The following SSH2 variants were observed in gnomAD, a reference collection of about 807,000 sequenced individuals.
SSH2 encodes the protein slingshot protein phosphatase 2, also known as protein phosphatase Slingshot homolog 2.
A neutral mutation model predicts 135.2 loss-of-function variants in SSH2; 37 were observed. The observed-to-expected ratio is 0.27, with a 90% CI of 0.21 to 0.36. The LOEUF (loss-of-function observed/expected upper bound fraction) is 0.36. Among genes scored for constraint, SSH2 ranks in the 10% least tolerant of loss-of-function variants. The pLI is 1.00. For missense variants in SSH2, 1,408 were observed against 1,765.3 expected, an observed-to-expected ratio of 0.80 and a Z score of 3.63; for synonymous variants, 628 against 646.2, an observed-to-expected ratio of 0.97 and a Z score of 0.43.
intron 1 of SSH2, among the ~76,000 whole-genome samples, chr17:29,859,892 G>T (rs906793739): frequency 6.6e-6 from 1 of 152,038 alleles, no homozygotes; most frequent in African/African-American, 2.4e-5. Context: ...TGTTTTCCAG[G>T]CTGGAGTGCA....
intron 2 of SSH2, among the ~76,000 whole-genome samples, chr17:29,808,181 T>C (rs568747875): frequency 6.6e-6 from 1 of 152,296 alleles, no homozygotes; most frequent in Admixed American, 6.5e-5. Flanking sequence ...CAGGCTGGAG[T>C]GCAGTGGCGC....
intron 3 of SSH2, among the ~76,000 whole-genome samples, chr17:29,713,868 A>G (rs1419691231): frequency 2.0e-5 from 3 of 151,364 alleles, no homozygotes; most frequent in African/African-American, 4.9e-5. Context: ...CACCTCCCTC[A>G]CCCCCAAACA....
At chr17:29,636,996 G>GT (rs956305388) in intron 14 of SSH2, among the ~76,000 whole-genome samples, 194 bp from the exon 15 acceptor site, 9 of 152,086 alleles carry the variant, frequency 5.9e-5, no homozygotes, top group South Asian at 2.1e-4. Context: ...ATGAGTGTGA[G>GT]TTTTTTTTAC....
At chr17:29,810,172 A>G (rs1046661157) in intron 2 of SSH2, among the ~76,000 whole-genome samples, 3 of 149,388 alleles carry the variant, frequency 2.0e-5, no homozygotes, top group African/African-American at 7.4e-5. Flanking sequence ...CATTTTCTAT[A>G]ATGTAGATTC....
At chr17:29,686,046 C>T (rs2038205548) in intron 5 of SSH2, among the ~76,000 whole-genome samples, 1 of 151,790 alleles carries the variant, frequency 6.6e-6, no homozygotes, top group Admixed American at 6.6e-5. Context: ...CGGGGTTTCT[C>T]CATGTTGGTC....
At chr17:29,740,356 A>G (rs1190745013) in intron 3 of SSH2, among the ~76,000 whole-genome samples, 2 of 152,178 alleles carry the variant, frequency 1.3e-5, no homozygotes, top group Non-Finnish European at 2.9e-5. Flanking sequence ...CGCAGTCTCA[A>G]AGAGAGGCAG....
chr17:29,874,246 G>A (rs866328865), intron 1 of SSH2, among the ~76,000 whole-genome samples: 1 of 137,662 alleles, frequency 7.3e-6, no homozygotes, highest in Non-Finnish European at 1.5e-5. Flanking sequence ...TAAGCCAATT[G>A]TGCCACTGCA....
chr17:29,810,288 A>G (rs954698328), intron 2 of SSH2, among the ~76,000 whole-genome samples: 1 of 152,190 alleles, frequency 6.6e-6, no homozygotes, highest in Non-Finnish European at 1.5e-5. Flanking sequence ...ACCATTTTAG[A>G]GACTGCACAA....
Position 29,839,773 on chromosome 17 carries a change from C to T in SSH2, c.144+9076G>A, listed in dbSNP as rs191160239. ...GAATCACTACTGCATTTGACCCTGA[C>T]CTCCTAGCACCAGAATAACAACATT... On this transcript the variant is annotated intron_variant, in intron 2 of 15. Transcript: ENST00000540801. Among the ~76,000 whole-genome samples the T allele has an allele frequency of 3.7e-4, 56 of 152,264 alleles. No homozygotes were observed. The East Asian group carries it at 0.01, about 28-fold the overall frequency.
chr17:29,812,618 C>T (rs564537539), intron 2 of SSH2, among the ~76,000 whole-genome samples: 2 of 152,292 alleles, frequency 1.3e-5, no homozygotes, highest in Non-Finnish European at 2.9e-5. Flanking sequence ...CAGCCGGGCG[C>T]GATGGCTCAT....
At chr17:29,763,383 G>A (rs2041367585) in intron 3 of SSH2, among the ~76,000 whole-genome samples, 1 of 151,422 alleles carries the variant, frequency 6.6e-6, no homozygotes, top group African/African-American at 2.4e-5. Flanking sequence ...AAATGGTAGT[G>A]TAAAAAAAAA....
intron 2 of SSH2, among the ~76,000 whole-genome samples, chr17:29,841,303 A>G (rs1020287410): frequency 1.3e-5 from 2 of 152,226 alleles, no homozygotes; most frequent in Non-Finnish European, 2.9e-5. Flanking sequence ...ATTTTACTTC[A>G]GTAAAAGTAT....
At chr17:29,771,084 T>G (rs576653837) in intron 3 of SSH2, among the ~76,000 whole-genome samples, 43 of 152,346 alleles carry the variant, frequency 2.8e-4, no homozygotes, top group Non-Finnish European at 5.6e-4. Flanking sequence ...CGTCTTCTGA[T>G]TAAGTCCAGT....
chr17:29,676,644 C>T (rs1408310741), intron 8 of SSH2, 176 bp downstream of exon 8: 2 of 538,500 alleles, frequency 3.7e-6, no homozygotes, highest in Non-Finnish European at 6.7e-6. Flanking sequence ...ATACTCAAGG[C>T]CTTCCAATTG....
intron 3 of SSH2, among the ~76,000 whole-genome samples, chr17:29,744,513 T>C (rs1348578235): frequency 6.6e-6 from 1 of 152,230 alleles, no homozygotes; most frequent in Admixed American, 6.5e-5. Flanking sequence ...TGATAATGTA[T>C]AATCACAGGC....
intron 3 of SSH2, among the ~76,000 whole-genome samples, chr17:29,756,137 G>T (rs962706701): frequency 4.0e-5 from 6 of 151,668 alleles, no homozygotes. Context: ...GCCAGGCGTG[G>T]TGGTGCATGC....
chr17:29,888,264 A>T (rs545134716), intron 1 of SSH2, among the ~76,000 whole-genome samples: 11 of 152,266 alleles, frequency 7.2e-5, no homozygotes, highest in African/African-American at 2.6e-4. Context: ...GAAAGAAACT[A>T]TGCTGAGACA....
At position 29,631,042 on chromosome 17, in the gene SSH2, C is replaced by A; in HGVS notation, c.4152G>T (p.Leu1384Phe). ...AKEFGSSQQY[L>F]LPRAGLELTS... ...TCAATTCAAGTCCTGCCCTGGGGAG[C>A]AAATACTGCTGACTAGAACCAAATT... The change falls in exon 16 of 16, where the codon TTG becomes TTT. Residue 1384 changes from leucine to phenylalanine, a missense_variant. Leu to Phe is a conservative substitution (Grantham distance 22). Around this residue, in one of 3 missense-constraint regions of SSH2, gnomAD observed 1,080 missense variants for 1,144.5 expected, o/e 0.94. Coordinates refer to ENST00000540801, the MANE Select transcript of SSH2 (RefSeq NM_001282129.2). The A allele has an allele frequency of 6.2e-7, 1 of 1,614,212 alleles. No homozygotes were observed. The highest frequency in any genetic ancestry group is 8.5e-7 in the Non-Finnish European group (1 of 1,180,042).
At chr17:29,705,065 C>T (rs928754477) in intron 3 of SSH2, among the ~76,000 whole-genome samples, 3 of 152,120 alleles carry the variant, frequency 2.0e-5, no homozygotes, top group African/African-American at 7.2e-5. Flanking sequence ...TCTCTGGCCT[C>T]GTTCTCCAGC....
Sources: gnomAD v4.1 joint callset for allele counts (sites outside exome capture counted in the v4.1 genomes callset) on GRCh38, gnomAD v4.1.1 for gene constraint, gnomAD v4.1.1 regional missense constraint, MANE v1.5 for transcripts, NCBI Gene and HGNC (gene_info 2026-07-23, HGNC 2026-07-21) for gene names.